CCDC198: variants seen among roughly 807,000 people sequenced by gnomAD.
CCDC198 encodes coiled-coil domain containing 198.
A neutral mutation model predicts 35.6 loss-of-function variants in CCDC198; 18 were observed. The ratio of observed to expected loss-of-function variants is 0.51; its 90% CI spans 0.35 to 0.75. The LOEUF is 0.75. Ranked by LOEUF, CCDC198 falls within the 30% of genes least tolerant of loss-of-function variation. The pLI, the probability that CCDC198 is intolerant of heterozygous loss-of-function variation, is 0.01. For missense variants in CCDC198, 365 were observed against 343.7 expected, an observed-to-expected ratio of 1.06 and a Z score of -0.49; for synonymous variants, 119 against 113.4, an observed-to-expected ratio of 1.05 and a Z score of -0.31.
chr14:57,492,103 A>G (rs2067591256), intron 1 of CCDC198, among the ~76,000 whole-genome samples: 1 of 151,974 alleles, frequency 6.6e-6, no homozygotes, highest in South Asian at 2.1e-4. Flanking sequence ...TTTTAGTGAC[A>G]TTACTCCATT....
intron 2 of CCDC198, among the ~76,000 whole-genome samples, chr14:57,489,069 G>A (rs933906561): frequency 2.6e-5 from 4 of 151,922 alleles, no homozygotes; most frequent in Non-Finnish European, 4.4e-5. Flanking sequence ...AAGATACATC[G>A]ATGCATATGT....
chr14:57,479,181 G>C lies in CCDC198; in HGVS notation c.655+1414C>G, dbSNP rs116160253. On this transcript the variant is annotated intron_variant, in intron 5 of 5. Transcript: ENST00000216445. Reference sequence around the variant, plus strand: ...TGAAATGTGGGGGCTGGGTGCGAGAGTGGCAGAAGATGAAGCTAGAAAGGC... The same window carrying C: ...TGAAATGTGGGGGCTGGGTGCGAGACTGGCAGAAGATGAAGCTAGAAAGGC... 2.4e-3 allele frequency among the ~76,000 whole-genome samples: 371 copies of C among 152,288 alleles called. 1 individual carries two copies. Among genetic ancestry groups the C allele is most frequent in the African/African-American group, 8.4e-3 (350 of 41,554 alleles).
At chr14:57,489,511 G>A (rs867216373) in intron 2 of CCDC198, among the ~76,000 whole-genome samples, 2 of 152,040 alleles carry the variant, frequency 1.3e-5, no homozygotes, top group African/African-American at 2.4e-5. Context: ...TCCTGCACCT[G>A]TACCCCTGAA....
chr14:57,490,368 T>A (rs959389535), intron 2 of CCDC198, among the ~76,000 whole-genome samples: 12 of 152,200 alleles, frequency 7.9e-5, no homozygotes, highest in African/African-American at 2.7e-4. Flanking sequence ...GCTCTTGCTT[T>A]GCTTCCTTGG....
At position 57,483,139 on chromosome 14, in the gene CCDC198, T is replaced by A; in HGVS notation, c.319A>T (p.Ile107Phe). The A allele has an allele frequency of 6.2e-7, 1 of 1,614,050 alleles. No homozygotes were observed. The highest frequency in any genetic ancestry group is 1.1e-5 in the South Asian group (1 of 91,082). The change falls in exon 3 of 6, where the codon ATT (isoleucine) becomes TTT (phenylalanine). Residue 107 changes from isoleucine (I) to phenylalanine (F), a missense_variant. By Grantham distance (21) the Ile-to-Phe change is conservative. Coordinates refer to ENST00000216445, the MANE Select transcript of CCDC198 (RefSeq NM_018168.4). Reference protein sequence around the residue: ...PPQRLQKLEPIDLPRVITSGR... With the variant: ...PPQRLQKLEPFDLPRVITSGR... ...GAAGTAATTACTCGTGGCAAGTCAA[T>A]GGGTTCAAGCTTCTAGAAGTTCAAC...
In CCDC198 at chr14:57,493,712, C is replaced by T. The variant is rs2067656675; in HGVS notation, c.4G>A (p.Gly2Ser). The change falls in exon 1 of 6, where the codon GGC (glycine) becomes AGC (serine). Residue 2 changes from glycine to serine, a missense_variant. Transcript: ENST00000216445. ...AGGTGAGTCTTAGAGTGACTCAGGC[C>T]CATTTCATGTGAAAGACATTCAGAG... M[G>S]LSHSKTHLRV... The T allele has an allele frequency of 1.2e-6, 2 of 1,611,054 alleles. No homozygotes were observed. Among genetic ancestry groups the T allele is most frequent in the Admixed American group, 1.7e-5 (1 of 59,690 alleles).
rs776757495 is a variant in CCDC198, at chr14:57,470,834, C to G, written c.*521G>C. On this transcript the variant is annotated 3_prime_UTR_variant, in exon 6 of 6. Coordinates refer to ENST00000216445, the MANE Select transcript of CCDC198 (RefSeq NM_018168.4). ...GATGCAAAGTCAGTTCTATGACTAG[C>G]TTTTAAGAAGACTGGCAACTTCTGT... 3 of 153,222 alleles carry G rather than the reference C, an allele frequency of 2.0e-5. No homozygotes were observed. The highest frequency in any genetic ancestry group is 4.4e-5 in the Non-Finnish European group (3 of 68,766). The allele number at this position is 153,222 out of a possible 1,614,324, so 9.5% of individuals were successfully genotyped here.
chr14:57,490,023 C>A (rs2067506968), intron 2 of CCDC198, among the ~76,000 whole-genome samples: 1 of 151,974 alleles, frequency 6.6e-6, no homozygotes, highest in South Asian at 2.1e-4. Flanking sequence ...TCTTTTGAGA[C>A]AAAATGATAC....
In CCDC198 at chr14:57,472,214, G is replaced by A. The variant is rs191863548; in HGVS notation, c.656-624C>T. On this transcript the variant is annotated intron_variant, in intron 5 of 5. Coordinates refer to ENST00000216445, the MANE Select transcript of CCDC198 (RefSeq NM_018168.4). ...TATTGCATTTTATTTTCTCATCTCAGTATCCTTTAATTCAAGAATACTCTT... is the reference window on the plus strand; with the variant it reads ...TATTGCATTTTATTTTCTCATCTCAATATCCTTTAATTCAAGAATACTCTT... Among the ~76,000 whole-genome samples, 11 of 152,070 alleles carry A rather than the reference G, an allele frequency of 7.2e-5. No homozygotes were observed. The East Asian group carries it at 2.1e-3, about 29-fold the overall frequency.
At chr14:57,478,707 T>C in intron 5 of CCDC198, 2 of 1,017,714 alleles carry the variant, frequency 2.0e-6, no homozygotes, top group Admixed American at 5.3e-5. Context: ...TGGTAAAAAT[T>C]GTTTATGTGA....
intron 2 of CCDC198, among the ~76,000 whole-genome samples, chr14:57,488,729 C>A (rs573529053): frequency 6.6e-6 from 1 of 152,100 alleles, no homozygotes; most frequent in Non-Finnish European, 1.5e-5. Context: ...CATGAACAGA[C>A]ACTTCTCAAA....
chr14:57,479,288 A>G (rs999836838), intron 5 of CCDC198, among the ~76,000 whole-genome samples: 2 of 152,070 alleles, frequency 1.3e-5, no homozygotes, highest in Non-Finnish European at 2.9e-5. Flanking sequence ...AGGCCTTGTT[A>G]TGTTGGCCAG....
Position 57,471,287 on chromosome 14 carries a change from G to A in CCDC198, c.*68C>T. On this transcript the variant is annotated 3_prime_UTR_variant, in exon 6 of 6. Transcript: ENST00000216445. ...TGTCCTCAAAGTAATTCATATATCA[G>A]TTTGGAAGATTTTGAGAGTAAAACA... 1 of 1,163,606 alleles carries A rather than the reference G, an allele frequency of 8.6e-7. No homozygotes were observed. The highest frequency in any genetic ancestry group is 1.3e-6 in the Non-Finnish European group (1 of 799,068). 72.1% of individuals were successfully genotyped at this position (1,163,606 alleles called of 1,614,324 possible).
At chr14:57,493,437 A>G in intron 1 of CCDC198, 56 bp downstream of exon 1, 1 of 1,415,718 alleles carries the variant, frequency 7.1e-7, no homozygotes, top group Non-Finnish European at 1.0e-6. Context: ...AGATAAACCT[A>G]TTAATAATGC....
rs776140667 is a variant in CCDC198, at chr14:57,471,570, A to AGG, written c.675_676insCC (p.Phe226ProfsTer3). 5 of 1,583,402 alleles carry AGG rather than the reference A, an allele frequency of 3.2e-6. No homozygotes were observed. The Admixed American group carries it at 9.3e-5, about 30-fold the overall frequency. On this transcript the variant is annotated frameshift_variant, in exon 6 of 6. Transcript: ENST00000216445. LOFTEE classifies it high-confidence loss of function. The stretch of plus-strand genomic sequence containing the variant: ...TTATTCACTGCTTGATGTTTCAAAA[A>AGG]TTCTGTATTCTTTGAATTTCCTACA...
intron 1 of CCDC198, among the ~76,000 whole-genome samples, chr14:57,493,064 G>C (rs570183516): frequency 4.6e-5 from 7 of 152,272 alleles, no homozygotes; most frequent in Middle Eastern, 6.8e-3. Flanking sequence ...CACTCTTAAA[G>C]TGTTGCTTTC....
rs1166632488 is a variant in CCDC198 at position 57,470,722 on chromosome 14, A to T, written c.*633T>A. The T allele has an allele frequency of 6.6e-6, 1 of 152,234 alleles. No homozygotes were observed. The highest frequency in any genetic ancestry group is 1.5e-5 in the Non-Finnish European group (1 of 68,044). The allele number at this position is 152,234 out of a possible 1,614,324, so 9.4% of individuals were successfully genotyped here. On this transcript the variant is annotated 3_prime_UTR_variant, in exon 6 of 6. Coordinates refer to ENST00000216445, the MANE Select transcript of CCDC198 (RefSeq NM_018168.4). Reference sequence around the variant, plus strand: ...TCAAAGATGAACCCCAAAGGACCACACTTTGGCACTCATGCCCTTGTGTAG... The same window carrying T: ...TCAAAGATGAACCCCAAAGGACCACTCTTTGGCACTCATGCCCTTGTGTAG...
intron 2 of CCDC198, among the ~76,000 whole-genome samples, chr14:57,487,987 T>G (rs2067422725): frequency 6.6e-6 from 1 of 152,158 alleles, no homozygotes; most frequent in Non-Finnish European, 1.5e-5. Context: ...ACATATCTAC[T>G]GCATGAGCAT....
chr14:57,479,124 G>T, intron 5 of CCDC198: 1 of 946,692 alleles, frequency 1.1e-6, no homozygotes, highest in Non-Finnish European at 1.5e-6. Flanking sequence ...AAAGCATAGA[G>T]CGATCTGAGA....
Sources: gnomAD v4.1 joint callset for allele counts (sites outside exome capture counted in the v4.1 genomes callset) on GRCh38, gnomAD v4.1.1 for gene constraint, MANE v1.5 for transcripts, NCBI Gene and HGNC (gene_info 2026-07-23, HGNC 2026-07-21) for gene names.